Variants in HS6ST2 observed in about 807,000 individuals in gnomAD.
HS6ST2 encodes the protein heparan sulfate 6-O-sulfotransferase 2, also known as heparan-sulfate 6-O-sulfotransferase 2.
In HS6ST2, 17 loss-of-function variants were observed where a neutral mutation model predicts 33.0. The observed-to-expected ratio is 0.52, with a 90% CI of 0.35 to 0.77. The LOEUF is 0.77. Ranked by LOEUF, HS6ST2 falls within the 30% of genes least tolerant of loss-of-function variation. The pLI, the probability that HS6ST2 is intolerant of heterozygous loss-of-function variation, is 0.01. For missense variants in HS6ST2, 519 were observed against 551.7 expected (o/e 0.94, Z 0.59); for synonymous variants, 248 against 237.1 (o/e 1.05, Z -0.42).
chrX:132,764,949 G>C (rs2064832279), intron 2 of HS6ST2, among the ~76,000 whole-genome samples: 1 of 112,139 alleles, frequency 8.9e-6, no homozygotes, highest in Admixed American at 9.5e-5. Context: ...CCTCCCACTT[G>C]CTCAGACCAG....
rs974501721 is a variant in HS6ST2 at position 132,628,796 on chromosome X, C to T, written c.1365G>A (p.Lys455=). The change falls in exon 5 of 5, where the codon AAG becomes AAA. Residue 455 remains lysine, a synonymous_variant. Transcript: ENST00000370833. The stretch of plus-strand genomic sequence containing the variant: ...TTGACTTGGCACTTTCCAGAAGGAC[C>T]TTGTTTCTTTGCTTTTCAGGCATGA... ...LSVMPEKQRN[K]VLLESAKSNL... 8.3e-7 allele frequency: 1 copy of T among 1,211,848 alleles called. No homozygotes were observed. Among genetic ancestry groups the T allele is most frequent in the African/African-American group, 1.7e-5 (1 of 57,880 alleles).
At chrX:132,838,693 C>T (rs150966161) in intron 2 of HS6ST2, among the ~76,000 whole-genome samples, 130 of 110,512 alleles carry the variant, frequency 1.2e-3, no homozygotes, top group African/African-American at 4.2e-3. Context: ...AAAAGTGGTT[C>T]TGGATTTCAA....
chrX:132,815,577 G>A (rs184265387), intron 2 of HS6ST2, among the ~76,000 whole-genome samples: 1 of 112,135 alleles, frequency 8.9e-6, no homozygotes, highest in Non-Finnish European at 1.9e-5. Flanking sequence ...CACAATACAT[G>A]AGTTTTAATT....
chrX:132,866,863 C>T (rs1184386852), intron 2 of HS6ST2, among the ~76,000 whole-genome samples: 1 of 107,831 alleles, frequency 9.3e-6, no homozygotes, highest in Non-Finnish European at 1.9e-5. Flanking sequence ...TGCTTATGAG[C>T]TTAAGGACAT....
chrX:132,767,139 T>A (rs912964724), intron 2 of HS6ST2, among the ~76,000 whole-genome samples: 2 of 112,744 alleles, frequency 1.8e-5, no homozygotes, highest in African/African-American at 6.4e-5. Flanking sequence ...ATGGAACTAA[T>A]GCTCCAGCAG....
intron 2 of HS6ST2, among the ~76,000 whole-genome samples, chrX:132,772,074 A>G (rs773482549): frequency 2.7e-5 from 3 of 111,986 alleles, no homozygotes; most frequent in Non-Finnish European, 5.6e-5. Context: ...AAAGTCATAT[A>G]TTGGATACAT....
At chrX:132,704,234 A>C (rs1403167354) in intron 3 of HS6ST2, among the ~76,000 whole-genome samples, 1 of 112,438 alleles carries the variant, frequency 8.9e-6, no homozygotes, top group Non-Finnish European at 1.9e-5. Flanking sequence ...ACACTGAAAC[A>C]AGATTAATGA....
intron 3 of HS6ST2, 96 bp from the exon 4 acceptor site, chrX:132,669,295 C>T: frequency 6.3e-6 from 4 of 636,821 alleles, no homozygotes; most frequent in Non-Finnish European, 7.1e-6. Flanking sequence ...CAAGGCCAGC[C>T]TGCATATCCC....
chrX:132,811,937 T>G (rs1747138371), intron 2 of HS6ST2, among the ~76,000 whole-genome samples: 1 of 107,829 alleles, frequency 9.3e-6, no homozygotes, highest in Non-Finnish European at 1.9e-5. Flanking sequence ...TTCTTTTGGT[T>G]CTGTATTCAT....
intron 3 of HS6ST2, among the ~76,000 whole-genome samples, chrX:132,671,092 G>A (rs755423651): frequency 5.3e-4 from 60 of 112,632 alleles, no homozygotes; most frequent in South Asian, 1.1e-3. Context: ...GCCTCTATCC[G>A]TCCTCGATGA....
chrX:132,644,969 AG>A (rs2063629694), intron 4 of HS6ST2, among the ~76,000 whole-genome samples: 1 of 111,221 alleles, frequency 9.0e-6, no homozygotes, highest in Non-Finnish European at 1.9e-5. Context: ...TACCCCACTG[AG>A]GCCTGAAATC....
intron 2 of HS6ST2, among the ~76,000 whole-genome samples, chrX:132,856,956 T>C (rs192895972): frequency 6.3e-5 from 7 of 111,941 alleles, no homozygotes; most frequent in African/African-American, 2.3e-4. Context: ...AATCCAAGGC[T>C]ATAACTCTGG....
chrX:132,851,537 T>C (rs2065800892), intron 2 of HS6ST2, among the ~76,000 whole-genome samples: 1 of 112,515 alleles, frequency 8.9e-6, no homozygotes, highest in Admixed American at 9.4e-5. Flanking sequence ...AAGAACTTAA[T>C]TGGCATTACT....
intron 2 of HS6ST2, among the ~76,000 whole-genome samples, chrX:132,865,018 G>T (rs2148421780): frequency 9.1e-6 from 1 of 110,155 alleles, no homozygotes; most frequent in Non-Finnish European, 1.9e-5. Flanking sequence ...GGGTACATGT[G>T]CACCATGTGC....
chrX:132,778,165 T>C (rs145312807), intron 2 of HS6ST2, among the ~76,000 whole-genome samples: 1,138 of 111,938 alleles, frequency 0.01, 12 homozygotes, highest in African/African-American at 0.033. Flanking sequence ...CGACTATGCA[T>C]GTAACATAAA....
chrX:132,720,263 C>T (rs2064316611), intron 2 of HS6ST2, among the ~76,000 whole-genome samples: 2 of 112,019 alleles, frequency 1.8e-5, no homozygotes, highest in South Asian at 3.7e-4. Flanking sequence ...CTCATTCCTC[C>T]TCATGAAAAT....
chrX:132,901,971 G>T (rs1327479965), intron 2 of HS6ST2, among the ~76,000 whole-genome samples: 1 of 111,230 alleles, frequency 9.0e-6, no homozygotes, highest in Non-Finnish European at 1.9e-5. Flanking sequence ...AAGATTTAAT[G>T]TTGTTGAAGG....
chrX:132,773,859 G>C (rs182392601), intron 2 of HS6ST2, among the ~76,000 whole-genome samples: 214 of 111,646 alleles, frequency 1.9e-3, no homozygotes, highest in Middle Eastern at 4.7e-3. Context: ...GACAATTATG[G>C]GATTTCCTAT....
At chrX:132,722,584 A>G (rs2064344000) in intron 2 of HS6ST2, among the ~76,000 whole-genome samples, 1 of 112,377 alleles carries the variant, frequency 8.9e-6, no homozygotes, top group African/African-American at 3.2e-5. Context: ...TTTGTAAAAC[A>G]ACTCTATGGA....
Sources: allele counts gnomAD v4.1 joint callset (sites outside exome capture counted in the v4.1 genomes callset), GRCh38; gene constraint gnomAD v4.1.1; transcripts MANE v1.5; gene names NCBI Gene and HGNC (gene_info 2026-07-23, HGNC 2026-07-21).